SNX1: variants seen among roughly 807,000 people sequenced by gnomAD.
SNX1 encodes the protein sorting nexin 1.
In SNX1, 36 loss-of-function variants were observed where a neutral mutation model predicts 71.8. The ratio of observed to expected loss-of-function variants is 0.50; its 90% confidence interval spans 0.38 to 0.66. SNX1 has a LOEUF of 0.66. Among genes scored for constraint, SNX1 ranks in the 30% least tolerant of loss-of-function variants. The probability of loss-of-function intolerance (pLI) is 0.00; values close to 1 mark genes in which losing one functional copy is unlikely to be tolerated. For synonymous variants in SNX1, 254 were observed against 240.7 expected, an observed-to-expected ratio of 1.06 and a Z score of -0.51; for missense variants, 612 against 646.7, an observed-to-expected ratio of 0.95 and a Z score of 0.58.
intron 12 of SNX1, among the ~76,000 whole-genome samples, chr15:64,135,921 CAA>C (rs34123051): frequency 6.6e-6 from 1 of 150,688 alleles, no homozygotes; most frequent in Non-Finnish European, 1.5e-5. Flanking sequence ...GACTCCATCT[CAA>C]AAAAAAAAAT....
At chr15:64,116,987 G>T (rs2081136056) in intron 2 of SNX1, among the ~76,000 whole-genome samples, 1 of 152,116 alleles carries the variant, frequency 6.6e-6, no homozygotes, top group South Asian at 2.1e-4. Context: ...TCACAAATTG[G>T]ATAGCATATA....
intron 3 of SNX1, among the ~76,000 whole-genome samples, chr15:64,118,494 A>G (rs2081156639): frequency 6.6e-6 from 1 of 152,244 alleles, no homozygotes; most frequent in African/African-American, 2.4e-5. Context: ...ATTCAGGAGT[A>G]TAGTTTCTCC....
chr15:64,099,829 A>G (rs1158206424), intron 1 of SNX1, among the ~76,000 whole-genome samples: 1 of 152,154 alleles, frequency 6.6e-6, no homozygotes, highest in Middle Eastern at 3.2e-3. Flanking sequence ...CTCCTGCCTC[A>G]ACCTCCTGAG....
In SNX1 at chr15:64,118,009, A is replaced by G. The variant is rs569736848; in HGVS notation, c.272-108A>G. 1.3e-4 allele frequency: 131 copies of G among 1,013,086 alleles called. No homozygotes were observed. In the South Asian group the frequency reaches 1.6e-3, roughly 13 times the overall value. The allele number at this position is 1,013,086 out of a possible 1,614,324, so 62.8% of individuals were successfully genotyped here. ...TATGACTTTCAGTCTAAGAGCCTCT[A>G]TGTATTGAGAGTGCTTGCTATTGTT... On this transcript the variant is annotated intron_variant, in intron 2 of 14. Transcript: ENST00000559844.
In SNX1 at chr15:64,097,965, T is replaced by C. The variant is rs567203811; in HGVS notation, c.159+1793T>C. On this transcript the variant is annotated intron_variant, in intron 1 of 14. Transcript: ENST00000559844. ...TGCTTGATAATTCTAATATAACAAC[T>C]AAAACTGTCAAATGAAGTCTCTTAT... 4.6e-5 allele frequency among the ~76,000 whole-genome samples: 7 copies of C among 152,334 alleles called. No individual in the cohort carries two copies. In the South Asian group the frequency reaches 1.2e-3, roughly 27 times the overall value.
Position 64,129,473 on chromosome 15 carries a change from C to T in SNX1, c.808-443C>T, listed in dbSNP as rs960626202. Among the ~76,000 whole-genome samples, 1 of 152,146 alleles carries T rather than the reference C, an allele frequency of 6.6e-6. No individual in the cohort carries two copies. The highest frequency in any genetic ancestry group is 2.4e-5 in the African/African-American group (1 of 41,422). The stretch of plus-strand genomic sequence containing the variant: ...TCTGAATCAATAATTTTCTTGTCCT[C>T]GGATATTTGTTCACTGAAGAAAATT... On this transcript the variant is annotated intron_variant, in intron 8 of 14. Coordinates refer to ENST00000559844, the MANE Select transcript of SNX1 (RefSeq NM_003099.5). This position sits in a 1 kb window ranked among gnomAD's most constrained non-coding sequence, Gnocchi z 4.4.
At chr15:64,108,261 T>C (rs1415651076) in intron 1 of SNX1, among the ~76,000 whole-genome samples, 2 of 152,128 alleles carry the variant, frequency 1.3e-5, no homozygotes, top group Non-Finnish European at 2.9e-5. Context: ...ATGTAATCAG[T>C]ACGTTCTTTA....
In SNX1 at chr15:64,139,240, T is replaced by C. The variant is rs1031694120; in HGVS notation, c.*1622T>C. On this transcript the variant is annotated 3_prime_UTR_variant, in exon 15 of 15. Transcript: ENST00000559844. ...TTATAAGCATTTTACTATATTGTTA[T>C]ATATCTTCACAAAGTTGATCTGTAA... is the stretch of plus-strand genomic sequence containing the variant. 37 of 150,674 alleles carry C rather than the reference T, an allele frequency of 2.5e-4. No individual in the cohort carries two copies. Among genetic ancestry groups the C allele is most frequent in the African/African-American group, 8.5e-4 (35 of 40,944 alleles). 9.3% of individuals were successfully genotyped at this position (150,674 alleles called of 1,614,324 possible). A position where few individuals can be genotyped will look rare whatever the true frequency, so the allele number is the denominator to read the frequency against.
chr15:64,131,661 C>G lies in SNX1; in HGVS notation c.1016-26C>G, dbSNP rs559276564. 20 of 1,608,178 alleles carry G rather than the reference C, an allele frequency of 1.2e-5. No individual in the cohort carries two copies. In the East Asian group the frequency reaches 4.2e-4, roughly 34 times the overall value. Reference sequence around the variant, plus strand: ...CCTTTTCCTTGTGAGATCAGAGAGGCCTCTGCTGTCTTTTCCTCCTTCCAG... The same window carrying G: ...CCTTTTCCTTGTGAGATCAGAGAGGGCTCTGCTGTCTTTTCCTCCTTCCAG... On this transcript the variant is annotated intron_variant, in intron 10 of 14. Transcript: ENST00000559844.
chr15:64,106,535 A>G (rs1366839975), intron 1 of SNX1, among the ~76,000 whole-genome samples: 1 of 152,218 alleles, frequency 6.6e-6, no homozygotes, highest in Non-Finnish European at 1.5e-5. Flanking sequence ...TAATCCTGCA[A>G]CCAGTGAGTA....
At position 64,127,769 on chromosome 15, in the gene SNX1, A is replaced by C; in HGVS notation, c.770A>C (p.Gln257Pro). 1 of 1,613,996 alleles carries C rather than the reference A, an allele frequency of 6.2e-7. No homozygotes were observed. The highest frequency in any genetic ancestry group is 1.1e-5 in the South Asian group (1 of 91,086). The change falls in exon 8 of 15, where the codon CAG (glutamine) becomes CCG (proline). Residue 257 changes from glutamine to proline, a missense_variant. By Grantham distance (76) the Gln-to-Pro change is moderately conservative. Coordinates refer to ENST00000559844, the MANE Select transcript of SNX1 (RefSeq NM_003099.5). ...ATTGTAAATCATCCTACCATGTTAC[A>C]GGACCCTGACGTCAGAGAGTTCTTG... ...QRIVNHPTMLQDPDVREFLEK... is the reference protein window; with the variant it reads ...QRIVNHPTMLPDPDVREFLEK...
At chr15:64,115,869 T>C (rs1381715465) in intron 2 of SNX1, among the ~76,000 whole-genome samples, 1 of 152,260 alleles carries the variant, frequency 6.6e-6, no homozygotes, top group Non-Finnish European at 1.5e-5. Flanking sequence ...TTTCCAAACA[T>C]GTTTGTTAAC....
intron 11 of SNX1, among the ~76,000 whole-genome samples, chr15:64,133,047 C>T (rs116925838): frequency 7.2e-5 from 11 of 152,340 alleles, no homozygotes; most frequent in Non-Finnish European, 1.0e-4. Flanking sequence ...GAGCTTGTAC[C>T]ACAGGGGTGA....
At chr15:64,133,287 G>A (rs1264841719) in intron 11 of SNX1, among the ~76,000 whole-genome samples, 1 of 152,258 alleles carries the variant, frequency 6.6e-6, no homozygotes, top group African/African-American at 2.4e-5. Flanking sequence ...TCAGATAAGA[G>A]GTTGCCCTTT....
chr15:64,116,903 A>G (rs914352844), intron 2 of SNX1, among the ~76,000 whole-genome samples: 1 of 152,240 alleles, frequency 6.6e-6, no homozygotes, highest in Non-Finnish European at 1.5e-5. Flanking sequence ...CCCCAGATAG[A>G]CAAAGGCAGC....
intron 12 of SNX1, 32 bp from the exon 13 acceptor site, chr15:64,136,298 G>A: frequency 1.9e-6 from 3 of 1,541,032 alleles, no homozygotes; most frequent in Non-Finnish European, 2.7e-6. Flanking sequence ...GCCATAATAT[G>A]AGGTGATCCT....
intron 13 of SNX1, 150 bp downstream of exon 13, chr15:64,136,560 G>A: frequency 1.4e-6 from 1 of 705,866 alleles, no homozygotes; most frequent in Admixed American, 2.2e-5. Context: ...GGGGGTGTGT[G>A]CTTGATCCTA....
At chr15:64,124,996 C>A (rs924252390) in intron 5 of SNX1, among the ~76,000 whole-genome samples, 1 of 152,162 alleles carries the variant, frequency 6.6e-6, no homozygotes, top group African/African-American at 2.4e-5. Flanking sequence ...CTCTCTACTA[C>A]TTGTTGGCCT....
At chr15:64,115,214 T>G (rs1369078353) in intron 2 of SNX1, among the ~76,000 whole-genome samples, 3 of 152,206 alleles carry the variant, frequency 2.0e-5, no homozygotes, top group Non-Finnish European at 2.9e-5. Context: ...TTGTTCATAG[T>G]GAGGATTCTA....
Sources: allele counts gnomAD v4.1 joint callset (sites outside exome capture counted in the v4.1 genomes callset), GRCh38; gene constraint gnomAD v4.1.1; non-coding constraint Gnocchi (gnomAD v3.1); transcripts MANE v1.5; gene names NCBI Gene and HGNC (gene_info 2026-07-23, HGNC 2026-07-21).